TMEM215: variants seen among roughly 807,000 people sequenced by gnomAD.
The protein encoded by TMEM215 is transmembrane protein 215.
A neutral mutation model predicts 14.7 loss-of-function variants in TMEM215; 12 were observed. The ratio of observed to expected loss-of-function variants is 0.82; its 90% confidence interval spans 0.52 to 1.33. The LOEUF (loss-of-function observed/expected upper bound fraction) is 1.33. TMEM215 is among the 40% of genes most tolerant of loss of function. The pLI, the probability that TMEM215 is intolerant of heterozygous loss-of-function variation, is 0.00. For synonymous variants in TMEM215, 122 were observed against 124.8 expected (o/e 0.98, Z 0.15); for missense variants, 276 against 296.2 (o/e 0.93, Z 0.50).
At position 32,788,753 on chromosome 9, in the gene TMEM215, T is replaced by C. The variant is rs572437352; in HGVS notation, c.*3862T>C. Among the ~76,000 whole-genome samples the C allele has an allele frequency of 2.6e-5, 4 of 152,162 alleles. No homozygotes were observed. The highest frequency in any genetic ancestry group is 5.9e-5 in the Non-Finnish European group (4 of 68,020). ...ACTCTTGTGGATATAAGACCCAGGGTGGGAAACAAAACGATGCTTCTTCCA... is the reference window on the plus strand; with the variant it reads ...ACTCTTGTGGATATAAGACCCAGGGCGGGAAACAAAACGATGCTTCTTCCA... On this transcript the variant is annotated 3_prime_UTR_variant, in exon 2 of 2. Transcript: ENST00000342743.
chr9:32,786,270 C>T lies in TMEM215; in HGVS notation c.*1379C>T, dbSNP rs1203433419. On this transcript the variant is annotated 3_prime_UTR_variant, in exon 2 of 2. Coordinates refer to ENST00000342743, the MANE Select transcript of TMEM215 (RefSeq NM_212558.3). Reference sequence around the variant, plus strand: ...TGATCATTTTAAGTGATCATATAGTCTTAGTCACTTTCTCCCAAAAGGGGA... The same window carrying T: ...TGATCATTTTAAGTGATCATATAGTTTTAGTCACTTTCTCCCAAAAGGGGA... 1 of 166,992 alleles carries T rather than the reference C, an allele frequency of 6.0e-6. No individual in the cohort carries two copies. The highest frequency in any genetic ancestry group is 1.5e-5 in the Non-Finnish European group (1 of 68,066). 10.3% of individuals were successfully genotyped at this position (166,992 alleles called of 1,614,324 possible).
chr9:32,784,767 G>T lies in TMEM215; in HGVS notation c.584G>T (p.Ser195Ile). The T allele has an allele frequency of 6.2e-7, 1 of 1,613,988 alleles. No homozygotes were observed. The highest frequency in any genetic ancestry group is 8.5e-7 in the Non-Finnish European group (1 of 1,180,036). ...DRSECPEPED[S>I]IFFVPQDSII... ...TCTGAGTGCCCTGAGCCTGAGGATA[G>T]CATCTTCTTTGTGCCCCAGGACAGT... The change falls in exon 2 of 2, where the codon AGC (serine) becomes ATC (isoleucine). Residue 195 changes from serine (S) to isoleucine (I), a missense_variant. Coordinates refer to ENST00000342743, the MANE Select transcript of TMEM215 (RefSeq NM_212558.3).
rs758021130 is a variant in TMEM215 at position 32,786,473 on chromosome 9, A to C, written c.*1582A>C. The stretch of plus-strand genomic sequence containing the variant: ...ATTATTTTAGTAGGGCTTAAATATC[A>C]GAAATGAGATGCATGATCTTGGGCA... On this transcript the variant is annotated 3_prime_UTR_variant, in exon 2 of 2. Transcript: ENST00000342743. The C allele has an allele frequency of 8.0e-4, 134 of 166,946 alleles. No individual in the cohort carries two copies. The highest frequency in any genetic ancestry group is 1.5e-4 in the Non-Finnish European group (10 of 68,046). The allele number at this position is 166,946 out of a possible 1,614,324, so 10.3% of individuals were successfully genotyped here. A position where few individuals can be genotyped will look rare whatever the true frequency, so the allele number is the denominator to read the frequency against.
rs1824503113 is a variant in TMEM215, at chr9:32,786,039, T to G, written c.*1148T>G. 1 of 167,002 alleles carries G rather than the reference T, an allele frequency of 6.0e-6. No individual in the cohort carries two copies. Among genetic ancestry groups the G allele is most frequent in the Non-Finnish European group, 1.5e-5 (1 of 68,084 alleles). 10.3% of individuals were successfully genotyped at this position (167,002 alleles called of 1,614,324 possible). Reference sequence around the variant, plus strand: ...ATTACATGATAAAAGTCTCTTTATTTCATACATTTTTGCTGCTGAGGAAAA... The same window carrying G: ...ATTACATGATAAAAGTCTCTTTATTGCATACATTTTTGCTGCTGAGGAAAA... On this transcript the variant is annotated 3_prime_UTR_variant, in exon 2 of 2. Coordinates refer to ENST00000342743, the MANE Select transcript of TMEM215 (RefSeq NM_212558.3).
At position 32,788,766 on chromosome 9, in the gene TMEM215, G is replaced by A. The variant is rs12375613; in HGVS notation, c.*3875G>A. Among the ~76,000 whole-genome samples, 2,008 of 152,298 alleles carry A rather than the reference G, an allele frequency of 0.013. 18 individuals carry two copies. Among genetic ancestry groups the A allele is most frequent in the Non-Finnish European group, 0.022 (1,497 of 68,020 alleles). ...TAAGACCCAGGGTGGGAAACAAAAC[G>A]ATGCTTCTTCCAAAAGATCCTCCCA... On this transcript the variant is annotated 3_prime_UTR_variant, in exon 2 of 2. Coordinates refer to ENST00000342743, the MANE Select transcript of TMEM215 (RefSeq NM_212558.3).
intron 1 of TMEM215, 117 bp downstream of exon 1, chr9:32,783,922 AAG>A: frequency 2.2e-6 from 1 of 453,484 alleles, no homozygotes; most frequent in Non-Finnish European, 3.9e-6. Flanking sequence ...GACGGAGAGA[AAG>A]AGTAGAAATA....
At chr9:32,783,835 T>G in intron 1 of TMEM215, 30 bp downstream of exon 1, 1 of 219,864 alleles carries the variant, frequency 4.5e-6, no homozygotes, top group Non-Finnish European at 8.9e-6. Context: ...CGGAGCGTGT[T>G]GATATGAGAG....
At position 32,784,212 on chromosome 9, in the gene TMEM215, C is replaced by A. The variant is rs1030726344; in HGVS notation, c.29C>A (p.Thr10Asn). Residue 10 changes from threonine (T) to asparagine (N), a missense_variant, in exon 2 of 2, where the codon ACT becomes AAT. By Grantham distance (65) the Thr-to-Asn change is moderately conservative (BLOSUM62 0). Transcript: ENST00000342743. The stretch of plus-strand genomic sequence containing the variant: ...CGGCCTGATGACATTAACCCGAGGA[C>A]TGGGCTGGTGGTGGCCCTGGTCAGT... MRPDDINPR[T>N]GLVVALVSVF... 1 of 1,613,778 alleles carries A rather than the reference C, an allele frequency of 6.2e-7. No homozygotes were observed. Among genetic ancestry groups the A allele is most frequent in the Admixed American group, 1.7e-5 (1 of 59,984 alleles).
rs977341568 is a variant in TMEM215, at chr9:32,784,662, G to C, written c.479G>C (p.Arg160Thr). Reference sequence around the variant, plus strand: ...AATGGGCATCAGGAGGAGACGTCCAGATACCTGGACGGCTACTGCCCCTCG... The same window carrying C: ...AATGGGCATCAGGAGGAGACGTCCACATACCTGGACGGCTACTGCCCCTCG... ...VQNGHQEETS[R>T]YLDGYCPSGS... The change falls in exon 2 of 2, where the codon AGA becomes ACA. Residue 160 changes from arginine to threonine, a missense_variant. Physicochemically the swap from Arg to Thr is moderately conservative, Grantham distance 71. Coordinates refer to ENST00000342743, the MANE Select transcript of TMEM215 (RefSeq NM_212558.3). 1 of 1,614,066 alleles carries C rather than the reference G, an allele frequency of 6.2e-7. No individual in the cohort carries two copies. Among genetic ancestry groups the C allele is most frequent in the Admixed American group, 1.7e-5 (1 of 60,018 alleles).
chr9:32,784,799 G>C lies in TMEM215; in HGVS notation c.616G>C (p.Val206Leu). ...CTTTGTGCCCCAGGACAGTATCATC[G>C]TTTGCTCCTACAAGCAGAACAGCCC... is the stretch of plus-strand genomic sequence containing the variant. ...IFFVPQDSII[V>L]CSYKQNSPYD... Residue 206 changes from valine to leucine, a missense_variant, in exon 2 of 2, where the codon GTT becomes CTT. Physicochemically the swap from Val to Leu is conservative, Grantham distance 32. Transcript: ENST00000342743. The C allele has an allele frequency of 1.2e-6, 2 of 1,613,612 alleles. No individual in the cohort carries two copies. Among genetic ancestry groups the C allele is most frequent in the Non-Finnish European group, 1.7e-6 (2 of 1,180,026 alleles).
rs1824492109 is a variant in TMEM215, at chr9:32,785,121, G to A, written c.*230G>A. ...CTGGAAGAGGCAGTGGGTAGGAAAG[G>A]AAGCTACTCCAGTTGCTTCTTAACA... On this transcript the variant is annotated 3_prime_UTR_variant, in exon 2 of 2. Transcript: ENST00000342743. 1.9e-6 allele frequency: 1 copy of A among 520,542 alleles called. No homozygotes were observed. Among genetic ancestry groups the A allele is most frequent in the Non-Finnish European group, 3.5e-6 (1 of 286,900 alleles). 32.2% of individuals were successfully genotyped at this position (520,542 alleles called of 1,614,324 possible). A position where few individuals can be genotyped will look rare whatever the true frequency, so the allele number is the denominator to read the frequency against.
At position 32,787,370 on chromosome 9, in the gene TMEM215, C is replaced by T. The variant is rs1401198556; in HGVS notation, c.*2479C>T. 1 of 166,806 alleles carries T rather than the reference C, an allele frequency of 6.0e-6. No individual in the cohort carries two copies. Among genetic ancestry groups the T allele is most frequent in the African/African-American group, 2.4e-5 (1 of 41,412 alleles). The allele number at this position is 166,806 out of a possible 1,614,324, so 10.3% of individuals were successfully genotyped here. A position where few individuals can be genotyped will look rare whatever the true frequency, so the allele number is the denominator to read the frequency against. ...AAGTATGCATTTGAGGAAATATTTT[C>T]CTGTGCTAAAATAAAGGTTTGCAAA... On this transcript the variant is annotated 3_prime_UTR_variant, in exon 2 of 2. Coordinates refer to ENST00000342743, the MANE Select transcript of TMEM215 (RefSeq NM_212558.3).
rs577032168 is a variant in TMEM215 at position 32,784,509 on chromosome 9, A to C, written c.326A>C (p.Asp109Ala). 6.2e-7 allele frequency: 1 copy of C among 1,614,022 alleles called. No individual in the cohort carries two copies. Among genetic ancestry groups the C allele is most frequent in the African/African-American group, 1.3e-5 (1 of 75,054 alleles). ...CTAGAATCCGGCAAGGGGAGCTCAGATGAGCTGGCTAAGAAGGCGGGCCTC... is the reference window on the plus strand; with the variant it reads ...CTAGAATCCGGCAAGGGGAGCTCAGCTGAGCTGGCTAAGAAGGCGGGCCTC... ...SDLESGKGSSDELAKKAGLRG... is the reference protein window; with the variant it reads ...SDLESGKGSSAELAKKAGLRG... The change falls in exon 2 of 2, where the codon GAT becomes GCT. Residue 109 changes from aspartate to alanine, a missense_variant. Coordinates refer to ENST00000342743, the MANE Select transcript of TMEM215 (RefSeq NM_212558.3).
In TMEM215 at chr9:32,788,578, C is replaced by G. The variant is rs188412706; in HGVS notation, c.*3687C>G. Among the ~76,000 whole-genome samples the G allele has an allele frequency of 6.6e-6, 1 of 152,144 alleles. No homozygotes were observed. The highest frequency in any genetic ancestry group is 1.9e-4 in the East Asian group (1 of 5,174). On this transcript the variant is annotated 3_prime_UTR_variant, in exon 2 of 2. Coordinates refer to ENST00000342743, the MANE Select transcript of TMEM215 (RefSeq NM_212558.3). ...ATGGATGATTTTGTATGTTTTTTTC[C>G]TATTGCTGGTTACACTGCTATATTA... is the stretch of plus-strand genomic sequence containing the variant.
At position 32,784,639 on chromosome 9, in the gene TMEM215, T is replaced by C; in HGVS notation, c.456T>C (p.Asn152=). The C allele has an allele frequency of 1.2e-6, 2 of 1,613,852 alleles. No individual in the cohort carries two copies. Among genetic ancestry groups the C allele is most frequent in the Non-Finnish European group, 8.5e-7 (1 of 1,179,948 alleles). The part of the protein sequence containing the change: ...EEGECQSLVQ[N]GHQEETSRYL... ...GAGAATGCCAGAGCCTCGTCCAGAATGGGCATCAGGAGGAGACGTCCAGAT... is the reference window on the plus strand; with the variant it reads ...GAGAATGCCAGAGCCTCGTCCAGAACGGGCATCAGGAGGAGACGTCCAGAT... Residue 152 remains asparagine, a synonymous_variant, in exon 2 of 2, where the codon AAT becomes AAC. Transcript: ENST00000342743.
Position 32,785,562 on chromosome 9 carries a change from A to G in TMEM215, c.*671A>G, listed in dbSNP as rs1369127171. On this transcript the variant is annotated 3_prime_UTR_variant, in exon 2 of 2. Coordinates refer to ENST00000342743, the MANE Select transcript of TMEM215 (RefSeq NM_212558.3). Reference sequence around the variant, plus strand: ...AGCTATGTGAAAAGTTAACATTTTTAGATGGCTATGTTACTTCTTAAACTC... The same window carrying G: ...AGCTATGTGAAAAGTTAACATTTTTGGATGGCTATGTTACTTCTTAAACTC... 1 of 167,128 alleles carries G rather than the reference A, an allele frequency of 6.0e-6. No individual in the cohort carries two copies. Among genetic ancestry groups the G allele is most frequent in the Non-Finnish European group, 1.5e-5 (1 of 68,126 alleles). The allele number at this position is 167,128 out of a possible 1,614,324, so 10.4% of individuals were successfully genotyped here. A position where few individuals can be genotyped will look rare whatever the true frequency, so the allele number is the denominator to read the frequency against.
At position 32,788,888 on chromosome 9, in the gene TMEM215, A is replaced by G. The variant is rs996544134; in HGVS notation, c.*3997A>G. On this transcript the variant is annotated 3_prime_UTR_variant, in exon 2 of 2. Transcript: ENST00000342743. ...CTCACAATTAGATTACAGTGGTGTC[A>G]GTCTTCAAGAGCATCGTGTTCAACA... 1.3e-5 allele frequency among the ~76,000 whole-genome samples: 2 copies of G among 152,258 alleles called. No homozygotes were observed. Among genetic ancestry groups the G allele is most frequent in the African/African-American group, 2.4e-5 (1 of 41,472 alleles).
In TMEM215 at chr9:32,784,173, T is replaced by C. The variant is rs1446799853; in HGVS notation, c.-11T>C. Reference sequence around the variant, plus strand: ...GTCAGCAAGCAGCCCCCAACCTGGATGGAGTGAAACATGCGGCCTGATGAC... The same window carrying C: ...GTCAGCAAGCAGCCCCCAACCTGGACGGAGTGAAACATGCGGCCTGATGAC... On this transcript the variant is annotated 5_prime_UTR_variant, in exon 2 of 2. It removes an upstream start codon present in the reference 5' UTR. Coordinates refer to ENST00000342743, the MANE Select transcript of TMEM215 (RefSeq NM_212558.3). 1.9e-6 allele frequency: 3 copies of C among 1,603,548 alleles called. No individual in the cohort carries two copies. The highest frequency in any genetic ancestry group is 2.6e-6 in the Non-Finnish European group (3 of 1,173,572).
rs200111837 is a variant in TMEM215 at position 32,784,434 on chromosome 9, G to A, written c.251G>A (p.Arg84Gln). 178 of 1,614,160 alleles carry A rather than the reference G, an allele frequency of 1.1e-4. 1 individual carries two copies. In the East Asian group the frequency reaches 3.3e-3, roughly 30 times the overall value. ...LLWVRKLPCF[R>Q]KPKDKEVVEL... ...TGGGTCCGCAAATTGCCCTGCTTCC[G>A]GAAACCCAAAGACAAGGAGGTGGTA... The change falls in exon 2 of 2, where the codon CGG becomes CAG. Residue 84 changes from arginine (R) to glutamine (Q), a missense_variant. Transcript: ENST00000342743.
Sources: gnomAD v4.1 joint callset for allele counts (sites outside exome capture counted in the v4.1 genomes callset) on GRCh38, gnomAD v4.1.1 for gene constraint, MANE v1.5 for transcripts, NCBI Gene and HGNC (gene_info 2026-07-23, HGNC 2026-07-21) for gene names.